OR4F16: variants seen among roughly 807,000 people sequenced by gnomAD.
OR4F16 encodes the protein olfactory receptor family 4 subfamily F member 16.
At chr1:714,896 TAA>T in the OR4F16 span, among the ~76,000 whole-genome samples, 23 of 132,152 alleles carry the variant, frequency 1.7e-4, no homozygotes, top group South Asian at 3.9e-3. Flanking sequence ...GCACTTAGAA[TAA>T]AGAGAAATTC....
the OR4F16 span, among the ~76,000 whole-genome samples, chr1:677,473 TG>T: frequency 1.0e-5 from 1 of 96,948 alleles, no homozygotes. Flanking sequence ...GCTAAGGACC[TG>T]GAAAAAAGGC....
Sources: allele counts gnomAD v4.1 joint callset (sites outside exome capture counted in the v4.1 genomes callset), GRCh38; gene constraint gnomAD v4.1.1; transcripts MANE v1.5; gene names NCBI Gene and HGNC (gene_info 2026-07-23, HGNC 2026-07-21).